The following RPS6KA5 variants were observed in gnomAD, a reference collection of about 807,000 sequenced individuals.
The protein encoded by RPS6KA5 is ribosomal protein S6 kinase alpha-5.
RPS6KA5 carries 27 observed loss-of-function variants against 85.5 expected under a neutral mutation model. The observed-to-expected ratio is 0.32, with a 90% CI of 0.23 to 0.44. RPS6KA5 has a LOEUF of 0.44. Among genes scored for constraint, RPS6KA5 ranks in the 20% least tolerant of loss-of-function variants. The pLI is 1.00. For synonymous variants in RPS6KA5, 334 were observed against 348.2 expected (o/e 0.96, Z 0.46); for missense variants, 811 against 980.9 (o/e 0.83, Z 2.31).
intron 2 of RPS6KA5, among the ~76,000 whole-genome samples, chr14:91,000,879 A>C (rs1402900668): frequency 6.6e-6 from 1 of 152,166 alleles, no homozygotes; most frequent in Non-Finnish European, 1.5e-5. Flanking sequence ...GCAGGGTAAA[A>C]GGGATTGGTT....
intron 1 of RPS6KA5, among the ~76,000 whole-genome samples, chr14:91,020,218 C>A (rs1351825091): frequency 7.5e-6 from 1 of 134,120 alleles, no homozygotes; most frequent in Non-Finnish European, 1.6e-5. Context: ...TGCATGTACA[C>A]GTGTGTGTGT....
At chr14:90,916,255 T>C (rs1024152406) in intron 7 of RPS6KA5, among the ~76,000 whole-genome samples, 3 of 152,230 alleles carry the variant, frequency 2.0e-5, no homozygotes, top group African/African-American at 7.2e-5. Context: ...ATGGCACAAC[T>C]ATCAGGGATT....
chr14:90,939,064 C>T (rs1209457215), intron 5 of RPS6KA5, among the ~76,000 whole-genome samples: 1 of 152,184 alleles, frequency 6.6e-6, no homozygotes, highest in Non-Finnish European at 1.5e-5. Context: ...TAATAGCACC[C>T]AAGTCATCTC....
intron 1 of RPS6KA5, among the ~76,000 whole-genome samples, chr14:91,001,392 A>C (rs1294244296): frequency 6.6e-6 from 1 of 152,232 alleles, no homozygotes; most frequent in African/African-American, 2.4e-5. Context: ...TTTGTACCAA[A>C]TATTAACATA....
intron 2 of RPS6KA5, among the ~76,000 whole-genome samples, chr14:90,983,892 C>T (rs2039943179): frequency 6.7e-6 from 1 of 148,394 alleles, no homozygotes; most frequent in African/African-American, 2.5e-5. Context: ...TCGCCCAGAC[C>T]GGAGTGCAGT....
In RPS6KA5 at chr14:90,900,589, A is replaced by G. The variant is rs368999479; in HGVS notation, c.1245+22T>C. ...CTCACAAAACCTACAAATATGTCAT[A>G]TAAGTTACCACATCTATATACCTTC... is the stretch of plus-strand genomic sequence containing the variant. On this transcript the variant is annotated intron_variant, in intron 10 of 16. Transcript: ENST00000614987. 16 of 1,604,186 alleles carry G rather than the reference A, an allele frequency of 1.0e-5. No individual in the cohort carries two copies. In the African/African-American group the frequency reaches 1.6e-4, roughly 16 times the overall value.
At chr14:90,917,754 G>C (rs901644466) in intron 7 of RPS6KA5, among the ~76,000 whole-genome samples, 1 of 151,176 alleles carries the variant, frequency 6.6e-6, no homozygotes, top group African/African-American at 2.4e-5. Flanking sequence ...AAGAGATAGG[G>C]TCTTGCTACA....
At chr14:91,047,642 T>C (rs1023282400) in intron 1 of RPS6KA5, among the ~76,000 whole-genome samples, 1 of 152,258 alleles carries the variant, frequency 6.6e-6, no homozygotes, top group Non-Finnish European at 1.5e-5. Flanking sequence ...ATTAGTTTCC[T>C]GTAACTGCGG....
At chr14:90,931,192 A>T (rs1011078564) in intron 5 of RPS6KA5, among the ~76,000 whole-genome samples, 1 of 152,204 alleles carries the variant, frequency 6.6e-6, no homozygotes, top group African/African-American at 2.4e-5. Flanking sequence ...AATACCATGG[A>T]ATATTATTCA....
chr14:90,875,393 T>A (rs776561662), intron 14 of RPS6KA5, 33 bp from the exon 15 acceptor site: 3 of 1,590,052 alleles, frequency 1.9e-6, no homozygotes, highest in Non-Finnish European at 2.6e-6. Context: ...ACAGAATGAC[T>A]ACCCAGATCT....
chr14:90,957,490 T>G (rs1342343706), intron 3 of RPS6KA5, among the ~76,000 whole-genome samples: 1 of 152,214 alleles, frequency 6.6e-6, no homozygotes, highest in Non-Finnish European at 1.5e-5. Flanking sequence ...ATTCGAACAA[T>G]GGTTCTAGCA....
intron 1 of RPS6KA5, among the ~76,000 whole-genome samples, chr14:91,012,124 A>C (rs1034419174): frequency 2.0e-5 from 3 of 152,210 alleles, no homozygotes; most frequent in African/African-American, 7.2e-5. Flanking sequence ...TCATCAATTA[A>C]AACAAAAAAG....
chr14:91,020,808 T>C (rs1231117179), intron 1 of RPS6KA5, among the ~76,000 whole-genome samples: 1 of 152,136 alleles, frequency 6.6e-6, no homozygotes, highest in Non-Finnish European at 1.5e-5. Flanking sequence ...TTAGGTCTCA[T>C]TTCATCTGGA....
At chr14:90,960,840 C>T (rs572866984) in intron 3 of RPS6KA5, among the ~76,000 whole-genome samples, 73 of 152,224 alleles carry the variant, frequency 4.8e-4, no homozygotes, top group African/African-American at 1.7e-3. Flanking sequence ...TTTTTCTTCC[C>T]TTTATTATAA....
chr14:90,968,598 T>C (rs1405045990), intron 3 of RPS6KA5, among the ~76,000 whole-genome samples: 1 of 152,078 alleles, frequency 6.6e-6, no homozygotes, highest in African/African-American at 2.4e-5. Context: ...AATAACCTCT[T>C]GTTACTAGAG....
At chr14:90,884,009 G>T (rs1331086297) in intron 14 of RPS6KA5, among the ~76,000 whole-genome samples, 1 of 152,138 alleles carries the variant, frequency 6.6e-6, no homozygotes, top group African/African-American at 2.4e-5. Context: ...AAGGGGGACT[G>T]GTCCTTTAAG....
intron 2 of RPS6KA5, among the ~76,000 whole-genome samples, chr14:90,983,831 CTCTCTCTCTTTCTTTT>C (rs1189246040): frequency 7.8e-5 from 11 of 141,292 alleles, no homozygotes; most frequent in African/African-American, 3.1e-4. Context: ...CTCTCTCTCT[CTCTCTCTCTTTCTTTT>C]TTTCTTTCTT....
chr14:90,901,258 C>T (rs1465000410), intron 9 of RPS6KA5, among the ~76,000 whole-genome samples: 2 of 152,118 alleles, frequency 1.3e-5, no homozygotes, highest in South Asian at 4.1e-4. Flanking sequence ...GCACATGCCA[C>T]CATGCCTGAC....
intron 3 of RPS6KA5, among the ~76,000 whole-genome samples, chr14:90,973,178 T>C (rs940275905): frequency 3.9e-5 from 6 of 152,210 alleles, no homozygotes; most frequent in African/African-American, 1.4e-4. Flanking sequence ...TGGTGGCCCA[T>C]GCCTGTCATC....
Sources: gnomAD v4.1 joint callset for allele counts (sites outside exome capture counted in the v4.1 genomes callset) on GRCh38, gnomAD v4.1.1 for gene constraint, MANE v1.5 for transcripts, NCBI Gene and HGNC (gene_info 2026-07-23, HGNC 2026-07-21) for gene names.